Variants in HECW2 observed in about 807,000 individuals in gnomAD.
HECW2 encodes the protein E3 ubiquitin-protein ligase HECW2.
A neutral mutation model predicts 175.2 loss-of-function variants in HECW2; 61 were observed. That is an observed-to-expected ratio of 0.35 (90% CI 0.28 to 0.43). HECW2 has a LOEUF of 0.43. Among genes scored for constraint, HECW2 ranks in the 20% least tolerant of loss-of-function variants. HECW2 has a pLI of 1.00. For missense variants in HECW2, 1,524 were observed against 2,000.5 expected (o/e 0.76, Z 4.54); for synonymous variants, 671 against 731.0 (o/e 0.92, Z 1.32).
At chr2:196,515,940 A>T (rs1208326636) in intron 1 of HECW2, among the ~76,000 whole-genome samples, 1 of 150,332 alleles carries the variant, frequency 6.7e-6, no homozygotes, top group Non-Finnish European at 1.5e-5. Flanking sequence ...GCTAGCCAAC[A>T]GGGCGAAACC....
At chr2:196,255,439 G>A (rs1449231430) in intron 18 of HECW2, among the ~76,000 whole-genome samples, 2 of 151,774 alleles carry the variant, frequency 1.3e-5, no homozygotes, top group Non-Finnish European at 2.9e-5. Flanking sequence ...CTCTGATAGA[G>A]GTATATTTTT....
At chr2:196,554,629 C>T (rs768394290) in intron 1 of HECW2, among the ~76,000 whole-genome samples, 89 of 152,204 alleles carry the variant, frequency 5.8e-4, no homozygotes, top group Non-Finnish European at 6.0e-4. Flanking sequence ...GAGCAAACTA[C>T]ACCCTTAACC....
At chr2:196,574,773 A>G (rs1168044770) in intron 1 of HECW2, among the ~76,000 whole-genome samples, 1 of 152,198 alleles carries the variant, frequency 6.6e-6, no homozygotes, top group African/African-American at 2.4e-5. Flanking sequence ...TAATTTTAAA[A>G]CATATTACCA....
At chr2:196,423,374 T>C (rs540462281) in intron 2 of HECW2, among the ~76,000 whole-genome samples, 24 of 152,242 alleles carry the variant, frequency 1.6e-4, no homozygotes, top group African/African-American at 4.8e-4. Context: ...ATTCACTGAA[T>C]TTACTAATGT....
chr2:196,194,123 G>T lies in HECW2; in HGVS notation c.*7154C>A, dbSNP rs1165495028. On this transcript the variant is annotated 3_prime_UTR_variant, in exon 29 of 29. Coordinates refer to ENST00000644978, the MANE Select transcript of HECW2 (RefSeq NM_001348768.2). The stretch of plus-strand genomic sequence containing the variant: ...ATAATTCATTCCTTTAACATTAACA[G>T]CCCATCAAACAGTAAAATATTCTTG... The T allele has an allele frequency of 6.6e-6, 1 of 151,850 alleles. No homozygotes were observed. Among genetic ancestry groups the T allele is most frequent in the African/African-American group, 2.4e-5 (1 of 41,336 alleles). 9.4% of individuals were successfully genotyped at this position (151,850 alleles called of 1,614,324 possible). A position where few individuals can be genotyped will look rare whatever the true frequency, so the allele number is the denominator to read the frequency against.
chr2:196,270,272 G>T (rs959887064), intron 17 of HECW2, among the ~76,000 whole-genome samples: 1 of 152,158 alleles, frequency 6.6e-6, no homozygotes, highest in Non-Finnish European at 1.5e-5. Flanking sequence ...TTTCAAGGAG[G>T]GAAAGCTTCT....
intron 1 of HECW2, among the ~76,000 whole-genome samples, chr2:196,469,900 T>A (rs1273653787): frequency 6.6e-6 from 1 of 151,606 alleles, no homozygotes; most frequent in Non-Finnish European, 1.5e-5. Flanking sequence ...GGAAATTGAC[T>A]TTTTTTTACA....
intron 2 of HECW2, among the ~76,000 whole-genome samples, chr2:196,395,715 T>TTAAA (rs1553512650): frequency 6.7e-6 from 1 of 150,058 alleles, no homozygotes; most frequent in African/African-American, 2.5e-5. Context: ...TTTTTTTTTT[T>TTAAA]AAAAAAAGAA....
rs1293275665 is a variant in HECW2, at chr2:196,220,055, G to A, written c.4392C>T (p.Asn1464=). Residue 1464 remains asparagine, a synonymous_variant, in exon 26 of 29, where the codon AAC becomes AAT. Coordinates refer to ENST00000644978, the MANE Select transcript of HECW2 (RefSeq NM_001348768.2). Reference sequence around the variant, plus strand: ...AAATTTCACCTCCTCTATATTCTGTGTTGTTTCTCCAATCACTTAGGTCTA... The same window carrying A: ...AAATTTCACCTCCTCTATATTCTGTATTGTTTCTCCAATCACTTAGGTCTA... ...AEIDLSDWRN[N]TEYRGGYHDN... The A allele has an allele frequency of 6.2e-7, 1 of 1,604,252 alleles. No individual in the cohort carries two copies. Among genetic ancestry groups the A allele is most frequent in the Non-Finnish European group, 8.5e-7 (1 of 1,171,358 alleles).
intron 13 of HECW2, among the ~76,000 whole-genome samples, chr2:196,305,757 A>C (rs1691233608): frequency 1.3e-5 from 2 of 152,140 alleles, no homozygotes; most frequent in Admixed American, 1.3e-4. Context: ...CTCATGCTGA[A>C]TCCTTTTTGT....
Position 196,228,239 on chromosome 2 carries a change from C to T in HECW2, c.3780G>A (p.Gly1260=), listed in dbSNP as rs1687922406. The change falls in exon 22 of 29, where the codon GGG becomes GGA. Residue 1260 remains glycine, a synonymous_variant. Transcript: ENST00000644978. Reference sequence around the variant, plus strand: ...CCAGGAAGAAAAACTCTCTAGAAGGCCCACTGTAATCCAGCCTGTAACAAA... The same window carrying T: ...CCAGGAAGAAAAACTCTCTAGAAGGTCCACTGTAATCCAGCCTGTAACAAA... The part of the protein sequence containing the change: ...FVGEEGLDYS[G]PSREFFFLVS... 1 of 1,603,732 alleles carries T rather than the reference C, an allele frequency of 6.2e-7. No homozygotes were observed. Among genetic ancestry groups the T allele is most frequent in the African/African-American group, 1.3e-5 (1 of 74,314 alleles).
At chr2:196,405,097 C>T (rs565614668) in intron 2 of HECW2, among the ~76,000 whole-genome samples, 1 of 151,856 alleles carries the variant, frequency 6.6e-6, no homozygotes, top group African/African-American at 2.4e-5. Flanking sequence ...TCCCAAAGTG[C>T]TGGGATTACA....
intron 1 of HECW2, among the ~76,000 whole-genome samples, chr2:196,485,828 T>C (rs1290660337): frequency 6.6e-6 from 1 of 151,732 alleles, no homozygotes; most frequent in Non-Finnish European, 1.5e-5. Flanking sequence ...AGAAGAAAAA[T>C]GTGATCAAAA....
chr2:196,418,393 G>A (rs2125241293), intron 2 of HECW2, among the ~76,000 whole-genome samples: 1 of 152,250 alleles, frequency 6.6e-6, no homozygotes, highest in African/African-American at 2.4e-5. Flanking sequence ...CTCCCAAAGT[G>A]CTGTGATTAC....
intron 2 of HECW2, among the ~76,000 whole-genome samples, chr2:196,420,345 G>A (rs562997003): frequency 2.0e-5 from 3 of 152,206 alleles, no homozygotes; most frequent in South Asian, 4.1e-4. Context: ...AACAATTGAC[G>A]GAAAAAAATA....
chr2:196,416,697 C>A (rs929478596), intron 2 of HECW2, among the ~76,000 whole-genome samples: 1 of 152,162 alleles, frequency 6.6e-6, no homozygotes, highest in Non-Finnish European at 1.5e-5. Flanking sequence ...CAAGAGGGAA[C>A]GTGAAATATA....
chr2:196,481,735 A>C (rs1686850657), intron 1 of HECW2, among the ~76,000 whole-genome samples: 1 of 152,208 alleles, frequency 6.6e-6, no homozygotes, highest in Non-Finnish European at 1.5e-5. Context: ...TCCCCTAATC[A>C]CTACATTCTC....
At chr2:196,280,439 T>G (rs981102777) in intron 14 of HECW2, among the ~76,000 whole-genome samples, 2 of 152,188 alleles carry the variant, frequency 1.3e-5, no homozygotes, top group African/African-American at 4.8e-5. Flanking sequence ...AGGTCCCATA[T>G]AGAAAACATT....
At chr2:196,439,697 TTG>T (rs1433010967) in intron 1 of HECW2, among the ~76,000 whole-genome samples, 1 of 152,092 alleles carries the variant, frequency 6.6e-6, no homozygotes, top group Non-Finnish European at 1.5e-5. Context: ...AGTAGTCCTG[TTG>T]GAACCTGACC....
Sources: gnomAD v4.1 joint callset for allele counts (sites outside exome capture counted in the v4.1 genomes callset) on GRCh38, gnomAD v4.1.1 for gene constraint, MANE v1.5 for transcripts, NCBI Gene and HGNC (gene_info 2026-07-23, HGNC 2026-07-21) for gene names.